The following DTNBP1 variants were observed in gnomAD, a reference collection of about 807,000 sequenced individuals.
DTNBP1 encodes dysbindin.
A neutral mutation model predicts 42.8 loss-of-function variants in DTNBP1; 35 were observed. The observed-to-expected ratio is 0.82, with a 90% CI of 0.63 to 1.09. The LOEUF (loss-of-function observed/expected upper bound fraction) is 1.09, where lower values mean the gene tolerates loss of function less well. Among genes scored for constraint, DTNBP1 ranks in the 50% least tolerant of loss-of-function variants. DTNBP1 has a pLI of 0.00. For missense variants in DTNBP1, 457 were observed against 424.2 expected, an observed-to-expected ratio of 1.08 and a Z score of -0.68; for synonymous variants, 171 against 162.2, an observed-to-expected ratio of 1.05 and a Z score of -0.41.
chr6:15,593,072 A>G lies in DTNBP1; in HGVS notation c.498T>C (p.Leu166=). The change falls in exon 7 of 10, where the codon CTT becomes CTC. Residue 166 remains leucine, a synonymous_variant. Coordinates refer to ENST00000344537, the MANE Select transcript of DTNBP1 (RefSeq NM_032122.5). ...ENYKKNKRKE[L]ETFKAELDAE... is the part of the protein sequence containing the mutation. ...ACACAAAATTACCTTTGAAGGTTTC[A>G]AGTTCCTTCCTGTAGGAAAAAAAAA... 1.3e-6 allele frequency: 2 copies of G among 1,585,052 alleles called. No individual in the cohort carries two copies. The highest frequency in any genetic ancestry group is 1.7e-6 in the Non-Finnish European group (2 of 1,164,796).
chr6:15,584,705 CTTTTT>C lies in DTNBP1; in HGVS notation c.511+8349_511+8353del, dbSNP rs147548247. 5.8e-5 allele frequency among the ~76,000 whole-genome samples: 5 copies of C among 86,408 alleles called. No individual in the cohort carries two copies. In the East Asian group the frequency reaches 1.1e-3, roughly 19 times the overall value. The allele number at this position is 86,408 out of a possible 152,430, so 56.7% of individuals were successfully genotyped here. On this transcript the variant is annotated intron_variant, in intron 7 of 9. Transcript: ENST00000344537. ...GATAGATGAGAGACAACATGTATTT[CTTTTT>C]TTTTTTTTTTTTTTTTTTCATTTAC...
chr6:15,574,787 G>C (rs1775493507), intron 7 of DTNBP1, among the ~76,000 whole-genome samples: 1 of 152,148 alleles, frequency 6.6e-6, no homozygotes, highest in African/African-American at 2.4e-5. Context: ...CTACTTATTA[G>C]CTGGTGGTAG....
intron 7 of DTNBP1, among the ~76,000 whole-genome samples, chr6:15,588,920 A>G (rs1776187228): frequency 6.6e-6 from 1 of 152,066 alleles, no homozygotes; most frequent in South Asian, 2.1e-4. Context: ...ACTTATTTCT[A>G]TTATTTCTAT....
chr6:15,621,469 G>A (rs893213301), intron 5 of DTNBP1, among the ~76,000 whole-genome samples: 7 of 152,182 alleles, frequency 4.6e-5, no homozygotes, highest in East Asian at 1.9e-4. Context: ...TGTTAATAAC[G>A]TGGGGACCAG....
In DTNBP1 at chr6:15,544,927, T is replaced by C. The variant is rs561029757; in HGVS notation, c.512-11532A>G. 2.0e-5 allele frequency among the ~76,000 whole-genome samples: 3 copies of C among 152,336 alleles called. No individual in the cohort carries two copies. In the South Asian group the frequency reaches 6.2e-4, roughly 32 times the overall value. ...GTTTCCAAAGGTACTTTTAGTTCCC[T>C]GAGCTTAGTAAAATATATTTTAGAA... On this transcript the variant is annotated intron_variant, in intron 7 of 9. Coordinates refer to ENST00000344537, the MANE Select transcript of DTNBP1 (RefSeq NM_032122.5).
chr6:15,522,969 C>T lies in DTNBP1; in HGVS notation c.*6G>A. 6.2e-7 allele frequency: 1 copy of T among 1,614,228 alleles called. No individual in the cohort carries two copies. The highest frequency in any genetic ancestry group is 1.1e-5 in the South Asian group (1 of 91,080). ...CAGTGTGGCCAGACAACGCCCATGT[C>T]CCAATTTAAGAGTCGCTGTCCTCAC... On this transcript the variant is annotated 3_prime_UTR_variant, in exon 10 of 10. Transcript: ENST00000344537.
chr6:15,662,279 G>T (rs950696166), intron 1 of DTNBP1, among the ~76,000 whole-genome samples: 1 of 152,258 alleles, frequency 6.6e-6, no homozygotes, highest in South Asian at 2.1e-4. Flanking sequence ...GGCCAGCCTT[G>T]CCAAGGGTTA....
intron 3 of DTNBP1, among the ~76,000 whole-genome samples, chr6:15,639,199 A>T (rs1760198713): frequency 6.6e-6 from 1 of 152,152 alleles, no homozygotes; most frequent in Non-Finnish European, 1.5e-5. Flanking sequence ...TACTAATGTT[A>T]ATTTTCTGGT....
chr6:15,596,044 G>C (rs752888195), intron 6 of DTNBP1, among the ~76,000 whole-genome samples: 5 of 152,176 alleles, frequency 3.3e-5, no homozygotes, highest in Non-Finnish European at 7.3e-5. Flanking sequence ...ACTCACGTTG[G>C]GGGCACGTGG....
intron 7 of DTNBP1, among the ~76,000 whole-genome samples, chr6:15,551,990 G>A (rs1425732395): frequency 6.6e-6 from 1 of 152,146 alleles, no homozygotes; most frequent in Non-Finnish European, 1.5e-5. Context: ...ACAGCTGACG[G>A]GAAACACCAG....
In DTNBP1 at chr6:15,627,414, A is replaced by G; in HGVS notation, c.284T>C (p.Val95Ala). Residue 95 changes from valine (V) to alanine (A), a missense_variant, in exon 5 of 10, where the codon GTG (valine) becomes GCG (alanine). Physicochemically the swap from Val to Ala is moderately conservative, Grantham distance 64. Transcript: ENST00000344537. ...CTGCTGGAGCTGCTCTTGCAGCTCC[A>G]CGAGGCTTGTCTTTTTCTTCTCCCA... Reference protein sequence around the residue: ...AHWEKKKTSLVELQEQLQQLP... With the variant: ...AHWEKKKTSLAELQEQLQQLP... 2 of 1,614,042 alleles carry G rather than the reference A, an allele frequency of 1.2e-6. No homozygotes were observed. Among genetic ancestry groups the G allele is most frequent in the Non-Finnish European group, 1.7e-6 (2 of 1,179,978 alleles).
intron 7 of DTNBP1, among the ~76,000 whole-genome samples, chr6:15,543,019 G>C (rs1168077123): frequency 6.6e-6 from 1 of 152,046 alleles, no homozygotes; most frequent in African/African-American, 2.4e-5. Context: ...TTATTTAATA[G>C]GGTATTTTTG....
chr6:15,637,544 CAACTA>C (rs1760103439), intron 4 of DTNBP1, among the ~76,000 whole-genome samples, 195 bp downstream of exon 4: 1 of 152,152 alleles, frequency 6.6e-6, no homozygotes, highest in Non-Finnish European at 1.5e-5. Context: ...CTCTCTTGCT[CAACTA>C]AACTAAATTA....
chr6:15,628,861 C>T (rs1393048874), intron 4 of DTNBP1, among the ~76,000 whole-genome samples: 1 of 152,170 alleles, frequency 6.6e-6, no homozygotes, highest in African/African-American at 2.4e-5. Context: ...GTACATTTCA[C>T]TATAGTAGGA....
Position 15,522,862 on chromosome 6 carries a change from G to T in DTNBP1, c.*113C>A. ...TTCTTTAAGTTTCTCACACATTATT[G>T]GCAATTATGTAAAAATCAAGAACCT... On this transcript the variant is annotated 3_prime_UTR_variant, in exon 10 of 10. Transcript: ENST00000344537. 1 of 1,559,058 alleles carries T rather than the reference G, an allele frequency of 6.4e-7. No homozygotes were observed. Among genetic ancestry groups the T allele is most frequent in the Non-Finnish European group, 8.8e-7 (1 of 1,135,942 alleles).
At position 15,522,841 on chromosome 6, in the gene DTNBP1, T is replaced by TTAAG; in HGVS notation, c.*130_*133dup. 2.0e-6 allele frequency: 3 copies of TTAAG among 1,491,974 alleles called. No homozygotes were observed. Among genetic ancestry groups the TTAAG allele is most frequent in the East Asian group, 2.3e-5 (1 of 44,296 alleles). 92.4% of individuals were successfully genotyped at this position (1,491,974 alleles called of 1,614,324 possible). A position where few individuals can be genotyped will look rare whatever the true frequency, so the allele number is the denominator to read the frequency against. On this transcript the variant is annotated 3_prime_UTR_variant, in exon 10 of 10. Coordinates refer to ENST00000344537, the MANE Select transcript of DTNBP1 (RefSeq NM_032122.5). ...CTCACACTTTATTGTTAGCTGTTCTTTAAGTTTCTCACACATTATTGGCAA... is the reference window on the plus strand; with the variant it reads ...CTCACACTTTATTGTTAGCTGTTCTTTAAGTAAGTTTCTCACACATTATTGGCAA...
chr6:15,628,674 TAGGATTACAGGC>T (rs1759503719), intron 4 of DTNBP1, among the ~76,000 whole-genome samples: 1 of 152,128 alleles, frequency 6.6e-6, no homozygotes. Flanking sequence ...CCCAAAGTGT[TAGGATTACAGGC>T]ATGAGCCACT....
chr6:15,540,912 G>T (rs1341690420), intron 7 of DTNBP1, among the ~76,000 whole-genome samples: 1 of 152,166 alleles, frequency 6.6e-6, no homozygotes, highest in Non-Finnish European at 1.5e-5. Flanking sequence ...AAAGTGCTGG[G>T]ATTACAGGTG....
intron 7 of DTNBP1, among the ~76,000 whole-genome samples, chr6:15,569,806 C>T (rs1775265064): frequency 1.3e-5 from 2 of 152,180 alleles, no homozygotes; most frequent in African/African-American, 4.8e-5. Flanking sequence ...TGGTTCTCTC[C>T]TTTTTGTCCT....
Sources: allele counts gnomAD v4.1 joint callset (sites outside exome capture counted in the v4.1 genomes callset), GRCh38; gene constraint gnomAD v4.1.1; transcripts MANE v1.5; gene names NCBI Gene and HGNC (gene_info 2026-07-23, HGNC 2026-07-21).